Variants in BANP observed in about 807,000 individuals in gnomAD.
BANP encodes the protein BTG3 associated nuclear protein, also known as protein BANP.
Under a neutral mutation model 68.1 loss-of-function variants are expected in BANP, and 11 were observed. The ratio of observed to expected loss-of-function variants is 0.16; its 90% CI spans 0.10 to 0.27. The LOEUF (loss-of-function observed/expected upper bound fraction) is 0.27, where lower values mean the gene tolerates loss of function less well. Ranked by LOEUF, BANP falls within the 10% of genes least tolerant of loss-of-function variation. The pLI, the probability that BANP is intolerant of heterozygous loss-of-function variation, is 1.00. For missense variants in BANP, 504 were observed against 722.7 expected (o/e 0.70, Z 3.47); for synonymous variants, 329 against 303.2 (o/e 1.09, Z -0.88).
rs766085243 is a variant in BANP at position 88,003,434 on chromosome 16, A to C, written c.363-861A>C. On this transcript the variant is annotated intron_variant, in intron 4 of 13. Coordinates refer to ENST00000682872, the MANE Select transcript of BANP (RefSeq NM_001386991.1). This position sits in a 1 kb window ranked among gnomAD's most constrained non-coding sequence, Gnocchi z 6.1. ...AATCCAAGAATGGAGTTTTATTGTC[A>C]GGTGATAATCACGTTGTGTTTCTAG... 4.4e-6 allele frequency: 2 copies of C among 456,008 alleles called. No homozygotes were observed. Among genetic ancestry groups the C allele is most frequent in the Non-Finnish European group, 8.8e-6 (2 of 226,906 alleles). The allele number at this position is 456,008 out of a possible 1,614,324, so 28.2% of individuals were successfully genotyped here.
intron 11 of BANP, among the ~76,000 whole-genome samples, chr16:88,043,444 C>G (rs541408759): frequency 1.3e-5 from 2 of 152,328 alleles, no homozygotes; most frequent in African/African-American, 4.8e-5. Flanking sequence ...TGTGAGGCAT[C>G]CGGGCAGCAT....
At chr16:87,961,573 A>G (rs7205205) in intron 1 of BANP, among the ~76,000 whole-genome samples, 102,596 of 152,140 alleles carry the variant, frequency 0.67, 35,426 homozygotes, top group African/African-American at 0.8. Context: ...GGGCATTAGA[A>G]ATTTGTAAAA....
At chr16:87,951,422 C>A (rs2056811982), upstream of BANP, 1 of 151,856 alleles carries the variant, frequency 6.6e-6, no homozygotes, top group Non-Finnish European at 1.5e-5. Flanking sequence ...GAGGGGCTCG[C>A]GGCGCCTGCG....
chr16:88,004,331 T>A lies in BANP; in HGVS notation c.399T>A (p.Asp133Glu). 1 of 1,549,936 alleles carries A rather than the reference T, an allele frequency of 6.5e-7. No homozygotes were observed. Among genetic ancestry groups the A allele is most frequent in the Non-Finnish European group, 8.7e-7 (1 of 1,146,004 alleles). The change falls in exon 5 of 14, where the codon GAT becomes GAA. Residue 133 changes from aspartate (D) to glutamate (E), a missense_variant. Physicochemically the swap from Asp to Glu is conservative, Grantham distance 45. Transcript: ENST00000682872. The surrounding 1 kb of genome is among the most constrained non-coding windows in gnomAD (Gnocchi z 7.0). ...AGACTACAGTAATACTCAACAATGA[T>A]CGGCAGAACGCCATTGTAGCCAAGA... ...VPQTTVILNN[D>E]RQNAIVAKME...
intron 2 of BANP, 69 bp downstream of exon 2, chr16:87,975,254 G>A (rs1317602182): frequency 2.0e-6 from 3 of 1,489,862 alleles, no homozygotes; most frequent in African/African-American, 2.8e-5. Context: ...AGCTGCTCCA[G>A]TTATTTTCTT....
intron 6 of BANP, among the ~76,000 whole-genome samples, chr16:88,013,506 C>T (rs374110914): frequency 2.0e-4 from 30 of 151,494 alleles, no homozygotes; most frequent in African/African-American, 7.0e-4. Context: ...GACCGCTGCC[C>T]GCACCCACTA....
chr16:88,074,847 T>C (rs577760613), intron 13 of BANP, among the ~76,000 whole-genome samples: 1 of 152,190 alleles, frequency 6.6e-6, no homozygotes, highest in Admixed American at 6.5e-5. Context: ...CATCCTACCC[T>C]GGAAGGCCCC....
chr16:88,012,238 A>G (rs890925511), intron 6 of BANP, among the ~76,000 whole-genome samples: 4 of 152,186 alleles, frequency 2.6e-5, no homozygotes, highest in African/African-American at 9.7e-5. Flanking sequence ...TTAGGTTTGA[A>G]TTCTGTGTGG....
rs573722545 is a variant in BANP, at chr16:88,056,735, A to C, written c.1312-8532A>C. Among the ~76,000 whole-genome samples the C allele has an allele frequency of 2.6e-5, 4 of 152,274 alleles. No homozygotes were observed. The South Asian group carries it at 8.3e-4, about 32-fold the overall frequency. On this transcript the variant is annotated intron_variant, in intron 11 of 13. Coordinates refer to ENST00000682872, the MANE Select transcript of BANP (RefSeq NM_001386991.1). ...GATGATTCGAAGATTGTTTTTGATC[A>C]ATTTTACCATTTTCAAATATATATT...
intron 12 of BANP, among the ~76,000 whole-genome samples, chr16:88,069,344 AT>A (rs760570026): frequency 4.6e-5 from 7 of 152,238 alleles, no homozygotes; most frequent in Non-Finnish European, 8.8e-5. Context: ...TGTTAAAAAA[AT>A]ATAAGGCATT....
intron 1 of BANP, among the ~76,000 whole-genome samples, chr16:87,968,415 C>T (rs1164200125): frequency 6.9e-5 from 10 of 144,722 alleles, no homozygotes; most frequent in Non-Finnish European, 1.2e-4. Context: ...ACCCAGGAGG[C>T]AGAGGTTGCG....
At chr16:88,026,516 A>C (rs1469543040) in intron 7 of BANP, among the ~76,000 whole-genome samples, 1 of 152,256 alleles carries the variant, frequency 6.6e-6, no homozygotes, top group Admixed American at 6.5e-5. Flanking sequence ...TGAGGGGGAC[A>C]GAGTAACAGT....
rs554761746 is a variant in BANP at position 87,958,435 on chromosome 16, G to A, written c.-69+6920G>A. ...ACCATCGTAGGCCCCAGTCGAGAGCGTGGAAACCACTCTTCTGTGATGTGT... is the reference window on the plus strand; with the variant it reads ...ACCATCGTAGGCCCCAGTCGAGAGCATGGAAACCACTCTTCTGTGATGTGT... On this transcript the variant is annotated intron_variant, in intron 1 of 13. Transcript: ENST00000682872. Among the ~76,000 whole-genome samples, 267 of 152,344 alleles carry A rather than the reference G, an allele frequency of 1.8e-3. 1 individual carries two copies. The highest frequency in any genetic ancestry group is 5.8e-3 in the African/African-American group (242 of 41,584).
intron 2 of BANP, among the ~76,000 whole-genome samples, chr16:87,979,153 G>A (rs2062782059): frequency 6.6e-6 from 1 of 152,100 alleles, no homozygotes; most frequent in Non-Finnish European, 1.5e-5. Context: ...GTGTGTACAG[G>A]CTTAAAGGCA....
intron 6 of BANP, among the ~76,000 whole-genome samples, chr16:88,013,845 C>G (rs1375511684): frequency 6.6e-6 from 1 of 152,206 alleles, no homozygotes; most frequent in Non-Finnish European, 1.5e-5. Flanking sequence ...GCCTGAAAAT[C>G]TCTAGTACTT....
chr16:88,015,913 G>A (rs1007499173), intron 6 of BANP, among the ~76,000 whole-genome samples: 10 of 152,238 alleles, frequency 6.6e-5, no homozygotes, highest in African/African-American at 1.2e-4. Flanking sequence ...CCGCGGCCCC[G>A]GTTCACATTG....
chr16:87,981,026 C>G lies in BANP; in HGVS notation c.71-10C>G. On this transcript the variant is annotated splice_polypyrimidine_tract_variant and intron_variant, in intron 2 of 13. Coordinates refer to ENST00000682872, the MANE Select transcript of BANP (RefSeq NM_001386991.1). ...TGTTAAACATTTTTTTTCTCTGTCA[C>G]TGATTTCAGTTGTTTTGGAGAATCA... 6.2e-7 allele frequency: 1 copy of G among 1,600,960 alleles called. No homozygotes were observed.
chr16:87,986,973 A>G (rs2064590912), intron 4 of BANP, among the ~76,000 whole-genome samples: 4 of 152,220 alleles, frequency 2.6e-5, no homozygotes, highest in Admixed American at 2.6e-4. Flanking sequence ...AATTAAGATT[A>G]ATAGAAGAAT....
rs185598183 is a variant in BANP at position 87,963,735 on chromosome 16, G to C, written c.-68-11313G>C. Among the ~76,000 whole-genome samples the C allele has an allele frequency of 2.6e-4, 40 of 152,330 alleles. No individual in the cohort carries two copies. In the East Asian group the frequency reaches 5.2e-3, roughly 20 times the overall value. ...CTTAGGTAGCGACAGAGAAGATCCT[G>C]GTGTTGAAGGAAGCCCTAGTGTTAA... On this transcript the variant is annotated intron_variant, in intron 1 of 13. Coordinates refer to ENST00000682872, the MANE Select transcript of BANP (RefSeq NM_001386991.1).
Sources: gnomAD v4.1 joint callset for allele counts (sites outside exome capture counted in the v4.1 genomes callset) on GRCh38, gnomAD v4.1.1 for gene constraint, Gnocchi (gnomAD v3.1) non-coding constraint, MANE v1.5 for transcripts, NCBI Gene and HGNC (gene_info 2026-07-23, HGNC 2026-07-21) for gene names.